PIP5K1B: variants seen among roughly 807,000 people sequenced by gnomAD.
The protein encoded by PIP5K1B is phosphatidylinositol-4-phosphate 5-kinase type 1 beta, also known as phosphatidylinositol 4-phosphate 5-kinase type-1 beta.
Under a neutral mutation model 67.0 loss-of-function variants are expected in PIP5K1B, and 42 were observed. The observed-to-expected ratio is 0.63, with a 90% CI of 0.49 to 0.81. PIP5K1B has a LOEUF of 0.81. PIP5K1B is among the 30% of genes least tolerant of loss of function. The probability of loss-of-function intolerance (pLI) is 0.00; values close to 1 mark genes in which losing one functional copy is unlikely to be tolerated. For synonymous variants in PIP5K1B, 214 were observed against 231.4 expected (o/e 0.92, Z 0.68); for missense variants, 459 against 646.3 (o/e 0.71, Z 3.14).
At position 68,818,556 on chromosome 9, in the gene PIP5K1B, A is replaced by G. The variant is rs144806600; in HGVS notation, c.-1+11A>G. 4.0e-3 allele frequency: 616 copies of G among 152,778 alleles called. 1 individual carries two copies. Among genetic ancestry groups the G allele is most frequent in the Non-Finnish European group, 6.6e-3 (448 of 68,042 alleles). The allele number at this position is 152,778 out of a possible 1,614,324, so 9.5% of individuals were successfully genotyped here. A position where few individuals can be genotyped will look rare whatever the true frequency, so the allele number is the denominator to read the frequency against. ...ATTTCATTTACAAAGGTAAGGAAAT[A>G]AAGTCTGTATTTTTAATTAATTCTG... On this transcript the variant is annotated intron_variant, in intron 3 of 15. Transcript: ENST00000265382.
At chr9:68,989,874 G>A (rs1013048363) in intron 14 of PIP5K1B, among the ~76,000 whole-genome samples, 12 of 152,038 alleles carry the variant, frequency 7.9e-5, no homozygotes, top group African/African-American at 2.9e-4. Context: ...CAGCTACTCG[G>A]GAGGCTGAGG....
intron 4 of PIP5K1B, among the ~76,000 whole-genome samples, chr9:68,845,273 C>T (rs1564178769): frequency 6.6e-6 from 1 of 151,916 alleles, no homozygotes; most frequent in Non-Finnish European, 1.5e-5. Flanking sequence ...TATGGTGGGG[C>T]TTATGAAATC....
chr9:68,785,554 T>G (rs1389739723), intron 2 of PIP5K1B, among the ~76,000 whole-genome samples: 1 of 152,230 alleles, frequency 6.6e-6, no homozygotes, highest in African/African-American at 2.4e-5. Flanking sequence ...AAATACTTGC[T>G]ATGTGTCAGG....
intron 14 of PIP5K1B, among the ~76,000 whole-genome samples, chr9:68,943,254 C>T (rs1283683058): frequency 6.6e-6 from 1 of 152,194 alleles, no homozygotes; most frequent in Non-Finnish European, 1.5e-5. Context: ...CCTCATTCAT[C>T]TGTGCTGTCA....
At chr9:68,917,785 C>T (rs1225254140) in intron 9 of PIP5K1B, 26 bp downstream of exon 9, 1 of 1,549,252 alleles carries the variant, frequency 6.5e-7, no homozygotes, top group African/African-American at 1.4e-5. Flanking sequence ...CACCTACCCA[C>T]CCTCTTGACT....
At position 68,829,589 on chromosome 9, in the gene PIP5K1B, A is replaced by G. The variant is rs149330811; in HGVS notation, c.69+6906A>G. On this transcript the variant is annotated intron_variant, in intron 4 of 15. Transcript: ENST00000265382. ...GGACCCCCAAAACAAAGAATTATCT[A>G]AACGTTGTTAGTGCCAAGGCTGAGA... 5.3e-3 allele frequency among the ~76,000 whole-genome samples: 810 copies of G among 152,330 alleles called. 6 individuals carry two copies. The highest frequency in any genetic ancestry group is 0.01 in the Middle Eastern group (3 of 294).
chr9:68,717,259 T>A (rs1448111349), intron 1 of PIP5K1B, among the ~76,000 whole-genome samples: 2 of 152,224 alleles, frequency 1.3e-5, no homozygotes, highest in African/African-American at 4.8e-5. Context: ...TTCTCTTTTA[T>A]GATCCAGGTA....
At chr9:68,930,194 C>T (rs1398486557) in intron 12 of PIP5K1B, among the ~76,000 whole-genome samples, 1 of 152,148 alleles carries the variant, frequency 6.6e-6, no homozygotes, top group Non-Finnish European at 1.5e-5. Context: ...ATACAGCACT[C>T]TGGGTAATTC....
At chr9:68,830,041 G>A (rs1834210442) in intron 4 of PIP5K1B, among the ~76,000 whole-genome samples, 1 of 152,070 alleles carries the variant, frequency 6.6e-6, no homozygotes, top group African/African-American at 2.4e-5. Flanking sequence ...AACAGCAACA[G>A]GTGTTTAAAA....
intron 8 of PIP5K1B, among the ~76,000 whole-genome samples, chr9:68,913,377 C>T (rs1276738800): frequency 6.6e-6 from 1 of 152,200 alleles, no homozygotes; most frequent in Non-Finnish European, 1.5e-5. Context: ...ACTGGACTAA[C>T]TGGTGTCTGT....
At chr9:68,982,530 G>C (rs888722175) in intron 14 of PIP5K1B, among the ~76,000 whole-genome samples, 1 of 152,294 alleles carries the variant, frequency 6.6e-6, no homozygotes, top group East Asian at 1.9e-4. Flanking sequence ...GCTGAGGTGG[G>C]TGGATCGCCC....
intron 2 of PIP5K1B, chr9:68,784,505 C>CTGATT (rs1831496365): frequency 1.2e-5 from 2 of 166,508 alleles, no homozygotes; most frequent in African/African-American, 4.8e-5. Context: ...AGATTGCCTT[C>CTGATT]CAGTGATTCA....
chr9:68,990,476 G>A (rs1269691569), intron 14 of PIP5K1B, among the ~76,000 whole-genome samples: 2 of 151,710 alleles, frequency 1.3e-5, no homozygotes, highest in Non-Finnish European at 2.9e-5. Flanking sequence ...GTAAACTAGG[G>A]TAGTGTAAAT....
chr9:68,763,340 TTTACTTCCCCATTTAGTAAAACCAA>T (rs2132396237), intron 2 of PIP5K1B, among the ~76,000 whole-genome samples: 1 of 152,250 alleles, frequency 6.6e-6, no homozygotes, highest in East Asian at 1.9e-4. Flanking sequence ...CTTCCTGTGC[TTTACTTCCCCATTTAGTAAAACCAA>T]TAAAACAACA....
intron 14 of PIP5K1B, among the ~76,000 whole-genome samples, chr9:68,949,734 C>G (rs548806189): frequency 6.6e-6 from 1 of 152,274 alleles, no homozygotes; most frequent in East Asian, 1.9e-4. Context: ...TCGGGCAGCC[C>G]CCAGAATCAT....
chr9:68,723,804 C>T (rs1828020157), intron 1 of PIP5K1B, among the ~76,000 whole-genome samples: 1 of 146,570 alleles, frequency 6.8e-6, no homozygotes, highest in African/African-American at 2.5e-5. Context: ...ATATTTTCTC[C>T]CATTCTTTAG....
At chr9:68,914,221 A>G (rs1246435232) in intron 8 of PIP5K1B, among the ~76,000 whole-genome samples, 1 of 152,186 alleles carries the variant, frequency 6.6e-6, no homozygotes, top group Non-Finnish European at 1.5e-5. Context: ...GAATTCATTC[A>G]TGGATACTCT....
At chr9:68,941,797 C>T (rs1206830336) in intron 14 of PIP5K1B, among the ~76,000 whole-genome samples, 1 of 152,140 alleles carries the variant, frequency 6.6e-6, no homozygotes, top group African/African-American at 2.4e-5. Context: ...ATATGGATAT[C>T]CATAGAGTCT....
intron 2 of PIP5K1B, among the ~76,000 whole-genome samples, chr9:68,752,571 T>C (rs1219356429): frequency 6.6e-6 from 1 of 152,072 alleles, no homozygotes; most frequent in Non-Finnish European, 1.5e-5. Context: ...TCTTTTCCTT[T>C]CTCTTTTTTT....
Sources: allele counts gnomAD v4.1 joint callset (sites outside exome capture counted in the v4.1 genomes callset), GRCh38; gene constraint gnomAD v4.1.1; transcripts MANE v1.5; gene names NCBI Gene and HGNC (gene_info 2026-07-23, HGNC 2026-07-21).